The following HS6ST1 variants were observed in gnomAD, a reference collection of about 807,000 sequenced individuals.
HS6ST1 encodes heparan sulfate 6-O-sulfotransferase 1.
A neutral mutation model predicts 25.2 loss-of-function variants in HS6ST1; 3 were observed. That is an observed-to-expected ratio of 0.12 (90% CI 0.05 to 0.31). The LOEUF is 0.31. Ranked by LOEUF, HS6ST1 falls within the 10% of genes least tolerant of loss-of-function variation. The pLI, the probability that HS6ST1 is intolerant of heterozygous loss-of-function variation, is 1.00. For missense variants in HS6ST1, 310 were observed against 609.6 expected, an observed-to-expected ratio of 0.51 and a Z score of 5.18; for synonymous variants, 204 against 275.1, an observed-to-expected ratio of 0.74 and a Z score of 2.56.
intron 1 of HS6ST1, among the ~76,000 whole-genome samples, chr2:128,313,415 C>T (rs1053473671): frequency 6.6e-5 from 10 of 152,148 alleles, no homozygotes; most frequent in African/African-American, 2.4e-4. Context: ...TGACAACAGA[C>T]AACATTTATG....
chr2:128,289,610 G>GCAGCTGTGTGCCATCCAGCAGCT (rs1693922270), intron 1 of HS6ST1: 1 of 152,226 alleles, frequency 6.6e-6, no homozygotes, highest in Non-Finnish European at 1.5e-5. Flanking sequence ...AGCTTGCTAA[G>GCAGCTGTGTGCCATCCAGCAGCT]GGATCTGCCA....
At chr2:128,280,178 C>G (rs1227218267) in intron 1 of HS6ST1, among the ~76,000 whole-genome samples, 1 of 152,234 alleles carries the variant, frequency 6.6e-6, no homozygotes. Flanking sequence ...CCGGCTTCTG[C>G]CCAGTTTGTT....
chr2:128,270,699 T>C (rs972979167), intron 1 of HS6ST1, among the ~76,000 whole-genome samples: 4 of 152,170 alleles, frequency 2.6e-5, no homozygotes, highest in Admixed American at 2.6e-4. Context: ...TAGGGCCGCA[T>C]GGACCTCCGC....
rs115300282 is a variant in HS6ST1 at position 128,314,111 on chromosome 2, G to A, written c.527+3926C>T. Reference sequence around the variant, plus strand: ...CATTGGCCCCAGTCACATGCTCTGGGTAACATCTGTCCCCATCACAGCAGA... The same window carrying A: ...CATTGGCCCCAGTCACATGCTCTGGATAACATCTGTCCCCATCACAGCAGA... On this transcript the variant is annotated intron_variant, in intron 1 of 1. Transcript: ENST00000259241. Among the ~76,000 whole-genome samples, 989 of 152,206 alleles carry A rather than the reference G, an allele frequency of 6.5e-3. 14 individuals are homozygous for A. The highest frequency in any genetic ancestry group is 0.021 in the African/African-American group (892 of 41,506).
At chr2:128,285,569 G>A (rs1252191501) in intron 1 of HS6ST1, among the ~76,000 whole-genome samples, 1 of 149,504 alleles carries the variant, frequency 6.7e-6, no homozygotes. Context: ...GAAGGTTCTA[G>A]GACCAGGGGA....
chr2:128,301,672 G>A (rs557670031), intron 1 of HS6ST1, among the ~76,000 whole-genome samples: 11 of 152,316 alleles, frequency 7.2e-5, no homozygotes, highest in South Asian at 2.1e-4. Context: ...GTGAGCGTGC[G>A]TGTGTGGGAG....
chr2:128,282,941 G>A (rs1362698508), intron 1 of HS6ST1, among the ~76,000 whole-genome samples: 1 of 152,204 alleles, frequency 6.6e-6, no homozygotes, highest in Non-Finnish European at 1.5e-5. Context: ...GACCTCAGGG[G>A]ACCAGACACC....
At chr2:128,309,119 C>T (rs1044354724) in intron 1 of HS6ST1, among the ~76,000 whole-genome samples, 6 of 152,238 alleles carry the variant, frequency 3.9e-5, no homozygotes, top group African/African-American at 1.4e-4. Flanking sequence ...GCTCTGCTGA[C>T]ACCCCTGGTA....
intron 1 of HS6ST1, among the ~76,000 whole-genome samples, chr2:128,281,641 T>G (rs891622561): frequency 2.0e-5 from 3 of 152,174 alleles, no homozygotes; most frequent in Non-Finnish European, 4.4e-5. Context: ...CCTGGTCTGC[T>G]TATGCTGGGC....
chr2:128,293,350 G>A (rs1693989612), intron 1 of HS6ST1, among the ~76,000 whole-genome samples: 1 of 152,388 alleles, frequency 6.6e-6, no homozygotes, highest in South Asian at 2.1e-4. Context: ...CTAAGGCTTT[G>A]AGGCCTGGAA....
At chr2:128,294,740 C>T (rs1023476069) in intron 1 of HS6ST1, among the ~76,000 whole-genome samples, 3 of 150,748 alleles carry the variant, frequency 2.0e-5, no homozygotes, top group African/African-American at 7.3e-5. Context: ...AAGAGGTCTT[C>T]GGACCACCCT....
intron 1 of HS6ST1, among the ~76,000 whole-genome samples, chr2:128,284,628 G>A (rs903893740): frequency 2.6e-5 from 4 of 151,558 alleles, no homozygotes; most frequent in African/African-American, 9.7e-5. Flanking sequence ...AGCCTTCCGA[G>A]GCTAAGGCTC....
At chr2:128,286,386 AG>A (rs1693861311) in intron 1 of HS6ST1, among the ~76,000 whole-genome samples, 1 of 152,160 alleles carries the variant, frequency 6.6e-6, no homozygotes, top group Admixed American at 6.5e-5. Flanking sequence ...GGGGTGGGTC[AG>A]GGGGCCTCAT....
intron 1 of HS6ST1, among the ~76,000 whole-genome samples, chr2:128,309,282 C>A (rs1435173504): frequency 6.6e-6 from 1 of 152,244 alleles, no homozygotes; most frequent in Non-Finnish European, 1.5e-5. Context: ...TCTCCTACCA[C>A]TCCGTGAGGT....
intron 1 of HS6ST1, among the ~76,000 whole-genome samples, chr2:128,305,698 C>G (rs973569787): frequency 6.6e-6 from 1 of 152,236 alleles, no homozygotes; most frequent in Non-Finnish European, 1.5e-5. Context: ...TCAACTCCCC[C>G]GGGAGACCAT....
At chr2:128,314,041 A>C (rs1161912157) in intron 1 of HS6ST1, among the ~76,000 whole-genome samples, 2 of 152,066 alleles carry the variant, frequency 1.3e-5, no homozygotes, top group Non-Finnish European at 2.9e-5. Context: ...CTCTCTAGGC[A>C]ATGTAGGCAC....
At position 128,268,279 on chromosome 2, in the gene HS6ST1, C is replaced by T. The variant is rs756499821; in HGVS notation, c.1119G>A (p.Arg373=). The T allele has an allele frequency of 2.5e-6, 4 of 1,612,702 alleles. No homozygotes were observed. Among genetic ancestry groups the T allele is most frequent in the Non-Finnish European group, 3.4e-6 (4 of 1,179,780 alleles). ...GGTGCAGCAGACGCTCCTCGCGGCT[C>T]CTCAGGCGCTGCTCCCTGCGCTCCA... ...RQLERREQRL[R]SREERLLHRA... is the part of the protein sequence containing the mutation. Residue 373 remains arginine, a synonymous_variant, in exon 2 of 2, where the codon AGG becomes AGA. Transcript: ENST00000259241.
rs776047646 is a variant in HS6ST1 at position 128,318,411 on chromosome 2, G to A, written c.153C>T (p.Pro51=). ...SLGAPGGRAP[P]DDLDLFPTPD... The stretch of plus-strand genomic sequence containing the variant: ...GTGTGGGGAACAGGTCCAGGTCGTC[G>A]GGCGGCGCGCGGCCGCCGGGCGCGC... Residue 51 remains proline, a synonymous_variant, in exon 1 of 2, where the codon CCC becomes CCT. Coordinates refer to ENST00000259241, the MANE Select transcript of HS6ST1 (RefSeq NM_004807.3). This position sits in a 1 kb window ranked among gnomAD's most constrained non-coding sequence, Gnocchi z 5.7. 6.2e-7 allele frequency: 1 copy of A among 1,603,214 alleles called. No homozygotes were observed. The highest frequency in any genetic ancestry group is 1.1e-5 in the South Asian group (1 of 90,686).
At chr2:128,276,281 G>A (rs1693693204) in intron 1 of HS6ST1, among the ~76,000 whole-genome samples, 2 of 152,108 alleles carry the variant, frequency 1.3e-5, no homozygotes, top group African/African-American at 4.8e-5. Context: ...GTGGTGGCAT[G>A]CACCACCACG....
Sources: allele counts gnomAD v4.1 joint callset (sites outside exome capture counted in the v4.1 genomes callset), GRCh38; gene constraint gnomAD v4.1.1; non-coding constraint Gnocchi (gnomAD v3.1); transcripts MANE v1.5; gene names NCBI Gene and HGNC (gene_info 2026-07-23, HGNC 2026-07-21).